PCSK4: variants seen among roughly 807,000 people sequenced by gnomAD.
The protein encoded by PCSK4 is testicular tissue protein Li 135.
PCSK4 carries 64 observed loss-of-function variants against 80.3 expected under a neutral mutation model. The observed-to-expected ratio is 0.80, with a 90% CI of 0.65 to 0.98. The LOEUF is 0.98. Among genes scored for constraint, PCSK4 ranks in the 50% least tolerant of loss-of-function variants. The probability of loss-of-function intolerance (pLI) is 0.00; values close to 1 mark genes in which losing one functional copy is unlikely to be tolerated. For missense variants in PCSK4, 1,213 were observed against 1,093.6 expected (o/e 1.11, Z -1.54); for synonymous variants, 561 against 487.6 (o/e 1.15, Z -1.98).
At position 1,487,481 on chromosome 19, in the gene PCSK4, G is replaced by A. The variant is rs1003704502; in HGVS notation, c.682+122C>T. The A allele has an allele frequency of 2.6e-5, 27 of 1,035,478 alleles. No homozygotes were observed. The South Asian group carries it at 3.5e-4, about 14-fold the overall frequency. 64.1% of individuals were successfully genotyped at this position (1,035,478 alleles called of 1,614,324 possible). ...CAGCACCCCCCAAGCCCTGGAGTCT[G>A]GGGCCCTAGCACCACCCAGCAGTGA... On this transcript the variant is annotated intron_variant, in intron 6 of 14. Transcript: ENST00000300954.
chr19:1,482,233 C>T, intron 14 of PCSK4, 26 bp from the exon 15 acceptor site: 1 of 1,524,034 alleles, frequency 6.6e-7, no homozygotes, highest in African/African-American at 1.4e-5. Context: ...CACGCAAAGG[C>T]CCGTCAGCTT....
exon 11 of PCSK4, chr19:1,483,677 C>A: frequency 6.3e-7 from 1 of 1,596,232 alleles, no homozygotes. Context: ...CCGGACGGCG[C>A]ACTTCCTCTG....
At chr19:1,488,742 G>C (rs750630721) in intron 2 of PCSK4, among the ~76,000 whole-genome samples, 4 of 151,982 alleles carry the variant, frequency 2.6e-5, no homozygotes, top group Non-Finnish European at 5.9e-5. Flanking sequence ...CACCATGCCC[G>C]GCTAATTTTT....
exon 5 of PCSK4, chr19:1,487,861 C>A: frequency 1.9e-6 from 3 of 1,547,226 alleles, no homozygotes; most frequent in Non-Finnish European, 2.6e-6. Context: ...GCCAGGGGGT[C>A]CTGGGGGCAG....
At position 1,483,952 on chromosome 19, in the gene PCSK4, C is replaced by T. The variant is rs779728779; in HGVS notation, c.1170-11G>A. 76 of 939,216 alleles carry T rather than the reference C, an allele frequency of 8.1e-5. No homozygotes were observed. In the South Asian group the frequency reaches 1.0e-3, roughly 12 times the overall value. The allele number at this position is 939,216 out of a possible 1,614,324, so 58.2% of individuals were successfully genotyped here. A position where few individuals can be genotyped will look rare whatever the true frequency, so the allele number is the denominator to read the frequency against. On this transcript the variant is annotated splice_polypyrimidine_tract_variant and intron_variant, in intron 9 of 14. Coordinates refer to ENST00000300954, the Ensembl canonical transcript of PCSK4. ...CACGTCAGGAACGGGCTGCGGGGGG[C>T]GGGGGCGGGGGCGGGTGAGCCGCCG...
rs78837090 is a variant in PCSK4, at chr19:1,486,874, G to A, written c.1047C>T (p.Gly349=). ...TCACGATCTGGGGGTCGGTGGCCACGCCGCTGCTGTAGGTGGTGGTGAGGG... is the reference window on the plus strand; with the variant it reads ...TCACGATCTGGGGGTCGGTGGCCACACCGCTGCTGTAGGTGGTGGTGAGGG... Residue 349 remains glycine (G), a synonymous_variant, in exon 8 of 15, where the codon GGC becomes GGT. Coordinates refer to ENST00000300954, the Ensembl canonical transcript of PCSK4. 14,935 of 1,598,502 alleles carry A rather than the reference G, an allele frequency of 9.3e-3. 185 individuals are homozygous for A. Among genetic ancestry groups the A allele is most frequent in the East Asian group, 0.05 (2,240 of 44,858 alleles).
exon 9 of PCSK4, chr19:1,484,125 G>C: frequency 1.9e-6 from 3 of 1,550,952 alleles, no homozygotes; most frequent in Non-Finnish European, 2.6e-6. Flanking sequence ...GGTCCGTGGT[G>C]ACCTGAGGGC....
intron 1 of PCSK4, 122 bp from the exon 2 acceptor site, chr19:1,490,019 G>A: frequency 3.9e-6 from 6 of 1,519,990 alleles, no homozygotes; most frequent in Non-Finnish European, 5.3e-6. Context: ...AGTCCCAGAA[G>A]CTGAGCTTGG....
chr19:1,483,586 G>T, intron 11 of PCSK4, 64 bp downstream of exon 11: 1 of 1,442,028 alleles, frequency 6.9e-7, no homozygotes, highest in East Asian at 2.3e-5. Context: ...TGGGTAAACT[G>T]AGGCCTCAGG....
rs113313717 is a variant in PCSK4 at position 1,483,659 on chromosome 19, C to T, written c.1382G>A (p.Ser461Asn). 1.1e-5 allele frequency: 17 copies of T among 1,590,992 alleles called. No homozygotes were observed. The highest frequency in any genetic ancestry group is 2.2e-5 in the South Asian group (2 of 89,918). ...CGCGCAGGGGTCTCACGTGGGGCGGCTCTGGACCCGGACGGCGCACTTCCT... is the reference window on the plus strand; with the variant it reads ...CGCGCAGGGGTCTCACGTGGGGCGGTTCTGGACCCGGACGGCGCACTTCCT... Residue 461 changes from serine to asparagine, a missense_variant, in exon 11 of 15, where the codon AGC becomes AAC. By Grantham distance (46) the Ser-to-Asn change is conservative. Transcript: ENST00000300954.
At chr19:1,482,776 C>G (rs1011877048) in intron 13 of PCSK4, 120 bp downstream of exon 13, 15 of 1,096,332 alleles carry the variant, frequency 1.4e-5, no homozygotes, top group Admixed American at 2.0e-5. Flanking sequence ...TGTGCATGTT[C>G]TCTTGGAGAA....
intron 13 of PCSK4, 57 bp from the exon 14 acceptor site, chr19:1,482,532 C>T: frequency 6.4e-7 from 1 of 1,559,804 alleles, no homozygotes; most frequent in Non-Finnish European, 8.6e-7. Flanking sequence ...GCAGCCTGGT[C>T]CTGGTAGTCC....
chr19:1,487,056 C>T lies in PCSK4; in HGVS notation c.865G>A (p.Gly289Arg), dbSNP rs772907709. 2.5e-5 allele frequency: 40 copies of T among 1,605,492 alleles called. No individual in the cohort carries two copies. The highest frequency in any genetic ancestry group is 4.5e-5 in the East Asian group (2 of 44,864). ...GCCCAGATGAAGAGCGTGCCCAGCCCGCCGCGGCCCTGGGAAACCAGGAGG... is the reference window on the plus strand; with the variant it reads ...GCCCAGATGAAGAGCGTGCCCAGCCTGCCGCGGCCCTGGGAAACCAGGAGG... Residue 289 changes from glycine to arginine, a missense_variant, in exon 8 of 15, where the codon GGG becomes AGG. By Grantham distance (125) the Gly-to-Arg change is moderately radical. Transcript: ENST00000300954.
intron 2 of PCSK4, 144 bp downstream of exon 2, chr19:1,489,649 G>A (rs1298072570): frequency 7.1e-6 from 10 of 1,404,158 alleles, no homozygotes; most frequent in African/African-American, 5.8e-5. Context: ...TCCTCTTGCT[G>A]TATAGACTTG....
Position 1,488,291 on chromosome 19 carries a change from G to A in PCSK4, c.295-11C>T. The A allele has an allele frequency of 6.2e-7, 1 of 1,609,618 alleles. No homozygotes were observed. On this transcript the variant is annotated splice_polypyrimidine_tract_variant and intron_variant, in intron 2 of 14. Transcript: ENST00000300954. ...CTGGAACCACTGCACCTGCAGAGCA[G>A]AGGGTGCATCAGGCCTGTCCCCTGC...
At chr19:1,482,686 A>G in intron 13 of PCSK4, 1 of 758,438 alleles carries the variant, frequency 1.3e-6, no homozygotes, top group Non-Finnish European at 2.1e-6. Flanking sequence ...GTCACTGGGC[A>G]CCTACATCTC....
intron 7 of PCSK4, 36 bp downstream of exon 7, chr19:1,487,105 G>T: frequency 6.2e-7 from 1 of 1,602,052 alleles, no homozygotes. Flanking sequence ...CGTCGGCCTG[G>T]CCTGCCACCC....
At chr19:1,483,129 C>G in intron 12 of PCSK4, 109 bp from the exon 13 acceptor site, 1 of 1,272,394 alleles carries the variant, frequency 7.9e-7, no homozygotes. Context: ...CGCGTGTCCT[C>G]TGGGTGTGGG....
chr19:1,488,309 T>C, intron 2 of PCSK4, 29 bp from the exon 3 acceptor site: 2 of 1,483,134 alleles, frequency 1.3e-6, no homozygotes, highest in Non-Finnish European at 1.9e-6. Flanking sequence ...ATCAGGCCTG[T>C]CCCCTGCTCG....
Sources: gnomAD v4.1 joint callset for allele counts (sites outside exome capture counted in the v4.1 genomes callset) on GRCh38, gnomAD v4.1.1 for gene constraint, MANE v1.5 for transcripts, NCBI Gene and HGNC (gene_info 2026-07-23, HGNC 2026-07-21) for gene names.